The following CTDP1 variants were observed in gnomAD, a reference collection of about 807,000 sequenced individuals.
CTDP1 encodes the protein CTD phosphatase 1, also known as RNA polymerase II subunit A C-terminal domain phosphatase.
CTDP1 carries 47 observed loss-of-function variants against 91.8 expected under a neutral mutation model. The ratio of observed to expected loss-of-function variants is 0.51; its 90% confidence interval spans 0.41 to 0.65. The LOEUF is 0.65. Ranked by LOEUF, CTDP1 falls within the 30% of genes least tolerant of loss-of-function variation. CTDP1 has a pLI of 0.00. For synonymous variants in CTDP1, 656 were observed against 598.5 expected (o/e 1.10, Z -1.40); for missense variants, 1,272 against 1,373.7 (o/e 0.93, Z 1.17).
At chr18:79,709,759 A>G (rs2086042680) in intron 5 of CTDP1, among the ~76,000 whole-genome samples, 1 of 152,220 alleles carries the variant, frequency 6.6e-6, no homozygotes, top group Non-Finnish European at 1.5e-5. Context: ...AAACGTGTAT[A>G]ATAGTTAGAA....
chr18:79,697,821 A>G (rs570257420), intron 3 of CTDP1, 39 bp from the exon 4 acceptor site: 2 of 1,613,994 alleles, frequency 1.2e-6, no homozygotes, highest in Non-Finnish European at 8.5e-7. Flanking sequence ...GGATGCAAAC[A>G]TACTGACTTT....
chr18:79,727,244 G>A (rs980455469), intron 10 of CTDP1, among the ~76,000 whole-genome samples: 5 of 152,246 alleles, frequency 3.3e-5, no homozygotes, highest in African/African-American at 7.2e-5. Context: ...TAACAGTGCA[G>A]TTGGCCCTTT....
chr18:79,743,474 C>T (rs564619597), intron 12 of CTDP1, among the ~76,000 whole-genome samples: 12 of 138,606 alleles, frequency 8.7e-5, no homozygotes, highest in Non-Finnish European at 7.5e-5. Flanking sequence ...TGCGGTGAGC[C>T]GAGATCGTGC....
chr18:79,711,506 G>A (rs977274570), intron 6 of CTDP1, among the ~76,000 whole-genome samples: 1 of 152,138 alleles, frequency 6.6e-6, no homozygotes, highest in Non-Finnish European at 1.5e-5. Context: ...GGTGGCAGTC[G>A]AAAGGACCCG....
chr18:79,695,016 A>G (rs1446481438), intron 1 of CTDP1, among the ~76,000 whole-genome samples: 1 of 152,006 alleles, frequency 6.6e-6, no homozygotes, highest in Non-Finnish European at 1.5e-5. Flanking sequence ...GTGGCGTGTC[A>G]TTTTTCATGA....
At position 79,715,154 on chromosome 18, in the gene CTDP1, G is replaced by T; in HGVS notation, c.1694G>T (p.Gly565Val). 1 of 1,613,498 alleles carries T rather than the reference G, an allele frequency of 6.2e-7. No individual in the cohort carries two copies. The highest frequency in any genetic ancestry group is 1.1e-5 in the South Asian group (1 of 90,930). ...GAGTCACAGAACAGCGAGCTGTCGG[G>T]GGTCACTGCGGGTGAGTCCCTGGAC... is the stretch of plus-strand genomic sequence containing the variant. ...ETESQNSELS[G>V]VTAGESLDQS... Residue 565 changes from glycine (G) to valine (V), a missense_variant, in exon 8 of 13, where the codon GGG (glycine) becomes GTG (valine). By Grantham distance (109) the Gly-to-Val change is moderately radical (BLOSUM62 -3). Coordinates refer to ENST00000613122, the MANE Select transcript of CTDP1 (RefSeq NM_004715.5).
chr18:79,721,028 G>C (rs1378505912), intron 10 of CTDP1, among the ~76,000 whole-genome samples: 1 of 152,226 alleles, frequency 6.6e-6, no homozygotes, highest in Admixed American at 6.5e-5. Flanking sequence ...GCAGGGTCCA[G>C]AAGGGCCCTG....
chr18:79,723,474 T>A (rs1445513890), intron 10 of CTDP1, among the ~76,000 whole-genome samples: 1 of 152,146 alleles, frequency 6.6e-6, no homozygotes, highest in Non-Finnish European at 1.5e-5. Context: ...CTCATCTAAG[T>A]CTTTGAACGT....
intron 3 of CTDP1, 64 bp from the exon 4 acceptor site, chr18:79,697,796 A>G (rs1379753359): frequency 6.2e-7 from 1 of 1,607,568 alleles, no homozygotes; most frequent in African/African-American, 1.3e-5. Context: ...TCTCGATGAA[A>G]TGGAGTTTTA....
At chr18:79,697,221 C>A (rs1277535842) in intron 3 of CTDP1, among the ~76,000 whole-genome samples, 1 of 152,260 alleles carries the variant, frequency 6.6e-6, no homozygotes, top group African/African-American at 2.4e-5. Flanking sequence ...GAGGTCCCCC[C>A]TGAGCGGGAC....
At chr18:79,704,049 A>G (rs1270418967) in intron 4 of CTDP1, among the ~76,000 whole-genome samples, 1 of 152,128 alleles carries the variant, frequency 6.6e-6, no homozygotes, top group Non-Finnish European at 1.5e-5. Flanking sequence ...CAGGGTGGTT[A>G]TCTTGAACAG....
intron 12 of CTDP1, among the ~76,000 whole-genome samples, chr18:79,752,031 G>A (rs529867569): frequency 2.6e-5 from 4 of 152,318 alleles, no homozygotes; most frequent in Admixed American, 6.5e-5. Flanking sequence ...GTTCCTTGGC[G>A]CAGTGGGACG....
chr18:79,748,855 G>A (rs1172013026), intron 12 of CTDP1, among the ~76,000 whole-genome samples: 2 of 151,974 alleles, frequency 1.3e-5, no homozygotes, highest in Admixed American at 6.6e-5. Flanking sequence ...AGCCGTGTCT[G>A]TGTGTGAGCC....
intron 12 of CTDP1, among the ~76,000 whole-genome samples, chr18:79,737,353 T>C (rs1336552237): frequency 6.6e-6 from 1 of 152,244 alleles, no homozygotes; most frequent in Admixed American, 6.5e-5. Flanking sequence ...CTGTGTCTTT[T>C]CCTTGGATGC....
intron 5 of CTDP1, among the ~76,000 whole-genome samples, chr18:79,705,894 A>G (rs910360569): frequency 1.3e-5 from 2 of 152,232 alleles, no homozygotes; most frequent in African/African-American, 4.8e-5. Context: ...CTGTAACATT[A>G]TGGCTGCTGC....
intron 3 of CTDP1, 93 bp from the exon 4 acceptor site, chr18:79,697,767 A>G (rs2085777058): frequency 3.8e-6 from 6 of 1,572,800 alleles, no homozygotes; most frequent in East Asian, 2.2e-5. Flanking sequence ...AGGGGAACAC[A>G]TTGATATAGT....
At chr18:79,745,318 T>C (rs71361454) in intron 12 of CTDP1, among the ~76,000 whole-genome samples, 6,261 of 54,622 alleles carry the variant, frequency 0.11, 192 homozygotes, top group African/African-American at 0.17. Context: ...GTTCTGTCCC[T>C]GCGTCCCTCC....
intron 11 of CTDP1, among the ~76,000 whole-genome samples, chr18:79,733,148 A>G (rs1262885670): frequency 6.6e-6 from 1 of 151,836 alleles, no homozygotes; most frequent in Non-Finnish European, 1.5e-5. Flanking sequence ...GTGTGTGTGG[A>G]TCCTCACGCC....
intron 1 of CTDP1, among the ~76,000 whole-genome samples, chr18:79,688,689 C>A (rs760081584): frequency 5.9e-5 from 9 of 152,126 alleles, no homozygotes; most frequent in Non-Finnish European, 1.0e-4. Context: ...CGTGAGCCAT[C>A]ACTCCCAGCC....
Sources: allele counts gnomAD v4.1 joint callset (sites outside exome capture counted in the v4.1 genomes callset), GRCh38; gene constraint gnomAD v4.1.1; transcripts MANE v1.5; gene names NCBI Gene and HGNC (gene_info 2026-07-23, HGNC 2026-07-21).